The following PACS1 variants were observed in gnomAD, a reference collection of about 807,000 sequenced individuals.
PACS1 encodes the protein phosphofurin acidic cluster sorting protein 1.
A neutral mutation model predicts 115.0 loss-of-function variants in PACS1; 24 were observed. That is an observed-to-expected ratio of 0.21 (90% CI 0.15 to 0.29). The LOEUF (loss-of-function observed/expected upper bound fraction) is 0.29, where lower values mean the gene tolerates loss of function less well. Among genes scored for constraint, PACS1 ranks in the 10% least tolerant of loss-of-function variants. The probability of loss-of-function intolerance (pLI) is 1.00; values close to 1 mark genes in which losing one functional copy is unlikely to be tolerated. For missense variants in PACS1, 838 were observed against 1,251.2 expected (o/e 0.67, Z 4.98); for synonymous variants, 453 against 504.5 (o/e 0.90, Z 1.37).
chr11:66,243,778 T>C lies in PACS1; in HGVS notation c.*498T>C, dbSNP rs1271457587. 6.4e-6 allele frequency: 1 copy of C among 157,368 alleles called. No individual in the cohort carries two copies. Among genetic ancestry groups the C allele is most frequent in the Non-Finnish European group, 1.4e-5 (1 of 71,154 alleles). 9.7% of individuals were successfully genotyped at this position (157,368 alleles called of 1,614,324 possible). On this transcript the variant is annotated 3_prime_UTR_variant, in exon 24 of 24. Transcript: ENST00000320580. Reference sequence around the variant, plus strand: ...CAGGACCCAAGGCCACTTTCAACTCTTATGGGGTTCTCCACCTGCCCCAGA... The same window carrying C: ...CAGGACCCAAGGCCACTTTCAACTCCTATGGGGTTCTCCACCTGCCCCAGA...
chr11:66,138,903 G>T (rs1329000644), intron 1 of PACS1, among the ~76,000 whole-genome samples: 1 of 151,886 alleles, frequency 6.6e-6, no homozygotes, highest in Non-Finnish European at 1.5e-5. Context: ...GGATGGTCTC[G>T]ATATCTTGAC....
intron 13 of PACS1, chr11:66,231,912 C>T: frequency 2.6e-6 from 1 of 388,536 alleles, no homozygotes; most frequent in Non-Finnish European, 4.7e-6. Context: ...CCTCCATCCT[C>T]TCCACCTGCC....
At chr11:66,202,726 GAA>G (rs55677222) in intron 2 of PACS1, among the ~76,000 whole-genome samples, 24 of 10,956 alleles carry the variant, frequency 2.2e-3, no homozygotes, top group South Asian at 3.9e-3. Context: ...TCATCTCTAG[GAA>G]AAAAAAAAAA....
chr11:66,235,922 G>A lies in PACS1; in HGVS notation c.2232G>A (p.Lys744=), dbSNP rs761480964. 1 of 1,614,046 alleles carries A rather than the reference G, an allele frequency of 6.2e-7. No homozygotes were observed. Among genetic ancestry groups the A allele is most frequent in the Non-Finnish European group, 8.5e-7 (1 of 1,179,942 alleles). ...GCCCTGATGAAGACTCCTATCAGAAGTTTATTCCCTTCATTGGCGTGAGTA... is the reference window on the plus strand; with the variant it reads ...GCCCTGATGAAGACTCCTATCAGAAATTTATTCCCTTCATTGGCGTGAGTA... ...HKFPDEDSYQ[K]FIPFIGVVKV... Residue 744 remains lysine (K), a synonymous_variant, in exon 19 of 24, where the codon AAG becomes AAA. Transcript: ENST00000320580. The surrounding 1 kb of genome is among the most constrained non-coding windows in gnomAD (Gnocchi z 5.6).
chr11:66,107,955 C>T (rs1485434062), intron 1 of PACS1, among the ~76,000 whole-genome samples: 3 of 152,132 alleles, frequency 2.0e-5, no homozygotes, highest in African/African-American at 7.2e-5. Context: ...TAGTCCTGAC[C>T]TTGCCTTGAT....
intron 2 of PACS1, among the ~76,000 whole-genome samples, chr11:66,206,081 G>A (rs1854931651): frequency 6.6e-6 from 1 of 152,150 alleles, no homozygotes; most frequent in Admixed American, 6.5e-5. Context: ...CTGGGAGGCG[G>A]AGGTTGCAAT....
At chr11:66,177,227 A>G (rs1859885547) in intron 1 of PACS1, among the ~76,000 whole-genome samples, 1 of 152,178 alleles carries the variant, frequency 6.6e-6, no homozygotes, top group South Asian at 2.1e-4. Context: ...TTGTGAGAGC[A>G]TATTACTAAA....
chr11:66,155,854 G>T (rs1362101794), intron 1 of PACS1, among the ~76,000 whole-genome samples: 2 of 152,050 alleles, frequency 1.3e-5, no homozygotes, highest in Non-Finnish European at 2.9e-5. Context: ...TGAACAAACT[G>T]TGCTGTCCCA....
rs987106084 is a variant in PACS1 at position 66,233,849 on chromosome 11, C to T, written c.1903C>T (p.Leu635=). 2 of 1,612,674 alleles carry T rather than the reference C, an allele frequency of 1.2e-6. No homozygotes were observed. The highest frequency in any genetic ancestry group is 1.7e-6 in the Non-Finnish European group (2 of 1,179,226). ...GGCTGCTGTGGGAGGCCAGAGCTAC[C>T]TGAGCTCCATCCTCAGGTTCTTTGT... The part of the protein sequence containing the change: ...KVAAVGGQSY[L]SSILRFFVKS... The change falls in exon 16 of 24, where the codon CTG becomes TTG. Residue 635 remains leucine (L), a synonymous_variant. Transcript: ENST00000320580. This position sits in a 1 kb window ranked among gnomAD's most constrained non-coding sequence, Gnocchi z 4.5.
chr11:66,112,259 G>C (rs1315476872), intron 1 of PACS1, among the ~76,000 whole-genome samples: 2 of 152,132 alleles, frequency 1.3e-5, no homozygotes, highest in Non-Finnish European at 2.9e-5. Flanking sequence ...CTGCTCTCCA[G>C]CCTGTTTCTT....
chr11:66,188,932 AT>A (rs2134667000), intron 1 of PACS1, among the ~76,000 whole-genome samples: 1 of 152,354 alleles, frequency 6.6e-6, no homozygotes, highest in South Asian at 2.1e-4. Flanking sequence ...AAAATGCTTT[AT>A]ACCAACTTCA....
chr11:66,222,803 A>G (rs905845970), intron 10 of PACS1, among the ~76,000 whole-genome samples: 29 of 152,110 alleles, frequency 1.9e-4, no homozygotes, highest in African/African-American at 6.7e-4. Flanking sequence ...CCTGGAAACC[A>G]CCTTCTCTTG....
intron 7 of PACS1, chr11:66,219,477 C>G (rs959389654): frequency 5.0e-6 from 3 of 596,470 alleles, no homozygotes; most frequent in Non-Finnish European, 6.2e-6. Flanking sequence ...GCTGGAGACC[C>G]ACATTTGGGA....
intron 1 of PACS1, among the ~76,000 whole-genome samples, chr11:66,098,742 T>A (rs1010996959): frequency 8.5e-5 from 13 of 152,224 alleles, no homozygotes; most frequent in African/African-American, 2.7e-4. Context: ...CAGTCTGGGA[T>A]CATCCTTTGT....
chr11:66,070,482 G>A lies in PACS1; in HGVS notation c.-5G>A. ...CGGCCTCCGTAACCCCCGCCTAGCC[G>A]GGCCATGGCGGAACGCGGAGGGGCG... On this transcript the variant is annotated 5_prime_UTR_variant, in exon 1 of 24. Transcript: ENST00000320580. This position sits in a 1 kb window ranked among gnomAD's most constrained non-coding sequence, Gnocchi z 5.9. The A allele has an allele frequency of 7.9e-7, 1 of 1,265,584 alleles. No individual in the cohort carries two copies. The highest frequency in any genetic ancestry group is 9.9e-7 in the Non-Finnish European group (1 of 1,009,606). 78.4% of individuals were successfully genotyped at this position (1,265,584 alleles called of 1,614,324 possible). A position where few individuals can be genotyped will look rare whatever the true frequency, so the allele number is the denominator to read the frequency against.
chr11:66,128,925 C>T (rs567401964), intron 1 of PACS1, among the ~76,000 whole-genome samples: 3 of 150,380 alleles, frequency 2.0e-5, no homozygotes, highest in South Asian at 2.1e-4. Flanking sequence ...TGACAAAAGA[C>T]GGAGTAGTGG....
chr11:66,205,830 G>T (rs906123486), intron 2 of PACS1, among the ~76,000 whole-genome samples: 15 of 151,658 alleles, frequency 9.9e-5, no homozygotes, highest in African/African-American at 3.6e-4. Context: ...AAGAATTTTT[G>T]GTTTAAATAA....
intron 1 of PACS1, among the ~76,000 whole-genome samples, chr11:66,128,508 T>C (rs1283367427): frequency 1.3e-5 from 2 of 152,166 alleles, no homozygotes; most frequent in Admixed American, 1.3e-4. Flanking sequence ...TCGTTGAAGC[T>C]GGGTGTTGGG....
At chr11:66,174,785 T>C (rs1192106999) in intron 1 of PACS1, among the ~76,000 whole-genome samples, 1 of 152,232 alleles carries the variant, frequency 6.6e-6, no homozygotes, top group African/African-American at 2.4e-5. Flanking sequence ...GAAAATATCC[T>C]AGTACTGTAT....
Sources: allele counts gnomAD v4.1 joint callset (sites outside exome capture counted in the v4.1 genomes callset), GRCh38; gene constraint gnomAD v4.1.1; non-coding constraint Gnocchi (gnomAD v3.1); transcripts MANE v1.5; gene names NCBI Gene and HGNC (gene_info 2026-07-23, HGNC 2026-07-21).